Variants in ATRNL1 observed in about 807,000 individuals in gnomAD.
ATRNL1 encodes the protein attractin-like protein 1.
A neutral mutation model predicts 182.7 loss-of-function variants in ATRNL1; 95 were observed. The ratio of observed to expected loss-of-function variants is 0.52; its 90% CI spans 0.44 to 0.62. The LOEUF (loss-of-function observed/expected upper bound fraction) is 0.62, where lower values mean the gene tolerates loss of function less well. ATRNL1 is among the 20% of genes least tolerant of loss of function. ATRNL1 has a pLI of 0.00. For synonymous variants in ATRNL1, 576 were observed against 568.3 expected (o/e 1.01, Z -0.19); for missense variants, 1,471 against 1,679.5 (o/e 0.88, Z 2.17).
At chr10:115,122,671 A>G (rs563709842) in intron 3 of ATRNL1, among the ~76,000 whole-genome samples, 62 of 152,064 alleles carry the variant, frequency 4.1e-4, no homozygotes, top group African/African-American at 1.4e-3. Context: ...AATACATTTT[A>G]TTTTGTTCTA....
At chr10:115,831,461 G>C (rs570373074) in intron 27 of ATRNL1, among the ~76,000 whole-genome samples, 1 of 152,094 alleles carries the variant, frequency 6.6e-6, no homozygotes, top group Non-Finnish European at 1.5e-5. Flanking sequence ...AGTGCATATG[G>C]ATGAGCATGA....
At chr10:115,702,416 C>T (rs782706250) in intron 26 of ATRNL1, among the ~76,000 whole-genome samples, 6 of 151,920 alleles carry the variant, frequency 3.9e-5, no homozygotes, top group Non-Finnish European at 7.4e-5. Context: ...AAGTCCTAGT[C>T]AGAGCAATCA....
chr10:115,388,660 T>C (rs539415616), intron 19 of ATRNL1, among the ~76,000 whole-genome samples: 1 of 152,140 alleles, frequency 6.6e-6, no homozygotes, highest in African/African-American at 2.4e-5. Flanking sequence ...ATATACACAT[T>C]ATTTATAATG....
At chr10:115,941,667 T>C (rs534707411) in intron 28 of ATRNL1, among the ~76,000 whole-genome samples, 1 of 152,324 alleles carries the variant, frequency 6.6e-6, no homozygotes, top group Admixed American at 6.5e-5. Flanking sequence ...TGGCTGTCTC[T>C]GGATTAGTTG....
At chr10:115,114,718 C>T (rs1844405450) in intron 1 of ATRNL1, among the ~76,000 whole-genome samples, 1 of 151,680 alleles carries the variant, frequency 6.6e-6, no homozygotes, top group Non-Finnish European at 1.5e-5. Context: ...TAAAATGGCT[C>T]TTATAAAAAA....
intron 27 of ATRNL1, among the ~76,000 whole-genome samples, chr10:115,745,131 C>A (rs114035602): frequency 8.6e-4 from 126 of 146,574 alleles, no homozygotes; most frequent in Non-Finnish European, 1.7e-3. Context: ...GAAAATGGAA[C>A]TTTTTTTTTT....
intron 20 of ATRNL1, among the ~76,000 whole-genome samples, chr10:115,422,857 G>C (rs184328892): frequency 6.6e-6 from 1 of 152,296 alleles, no homozygotes; most frequent in East Asian, 1.9e-4. Flanking sequence ...ACAGACACCA[G>C]AACCTACTGG....
intron 28 of ATRNL1, among the ~76,000 whole-genome samples, chr10:115,871,050 T>G (rs1230355599): frequency 6.6e-6 from 1 of 152,206 alleles, no homozygotes; most frequent in African/African-American, 2.4e-5. Context: ...TGCTTGAGTT[T>G]TGGGAATAAA....
rs552067074 is a variant in ATRNL1 at position 115,703,138 on chromosome 10, C to CA, written c.3796-24102dup. 1.3e-3 allele frequency among the ~76,000 whole-genome samples: 189 copies of CA among 151,052 alleles called. 1 individual carries two copies. Among genetic ancestry groups the CA allele is most frequent in the African/African-American group, 4.1e-3 (170 of 41,262 alleles). On this transcript the variant is annotated intron_variant, in intron 26 of 28. Transcript: ENST00000355044. Reference sequence around the variant, plus strand: ...ATGGCCCTGTGGTCTTTGACAGAGTCAAAAAAAATAAGCAATGAATAAATG... The same window carrying CA: ...ATGGCCCTGTGGTCTTTGACAGAGTCAAAAAAAAATAAGCAATGAATAAATG...
chr10:115,926,316 C>T (rs1397055820), intron 28 of ATRNL1, among the ~76,000 whole-genome samples: 2 of 238 alleles, frequency 8.4e-3, no homozygotes, highest in Non-Finnish European at 0.015. Flanking sequence ...AGAAAGACCT[C>T]AAATCGGACA....
chr10:115,194,049 A>G (rs998495751), intron 8 of ATRNL1, among the ~76,000 whole-genome samples: 12 of 152,004 alleles, frequency 7.9e-5, no homozygotes, highest in Admixed American at 6.6e-5. Context: ...TTGTGGTCAG[A>G]TGAGATACTT....
chr10:115,643,140 TC>T (rs1250806944), intron 26 of ATRNL1, among the ~76,000 whole-genome samples: 11 of 152,070 alleles, frequency 7.2e-5, no homozygotes, highest in Non-Finnish European at 1.3e-4. Context: ...AAAGAGTAGA[TC>T]CATATATCAA....
chr10:115,282,145 TTATA>T (rs1554917114), intron 14 of ATRNL1, among the ~76,000 whole-genome samples: 4 of 146,382 alleles, frequency 2.7e-5, no homozygotes, highest in African/African-American at 9.8e-5. Flanking sequence ...AACCATAAAT[TTATA>T]TATTTATTAT....
chr10:115,112,377 C>G (rs1554868388), intron 1 of ATRNL1, among the ~76,000 whole-genome samples: 1 of 152,148 alleles, frequency 6.6e-6, no homozygotes, highest in African/African-American at 2.4e-5. Flanking sequence ...GCTGACTGGT[C>G]TTTGAAAAGT....
intron 19 of ATRNL1, among the ~76,000 whole-genome samples, chr10:115,349,142 C>A (rs868966675): frequency 1.2e-4 from 18 of 151,944 alleles, no homozygotes; most frequent in African/African-American, 4.3e-4. Context: ...CTCTAGTAAC[C>A]ACCATTTCAT....
intron 26 of ATRNL1, among the ~76,000 whole-genome samples, chr10:115,715,791 G>T (rs1477784566): frequency 1.3e-5 from 2 of 152,196 alleles, no homozygotes; most frequent in African/African-American, 4.8e-5. Context: ...GACTTGTCTT[G>T]ATCAAAGTTC....
intron 15 of ATRNL1, among the ~76,000 whole-genome samples, chr10:115,293,717 A>T (rs1163676868): frequency 6.6e-6 from 1 of 152,164 alleles, no homozygotes; most frequent in African/African-American, 2.4e-5. Context: ...TCTGAAGGAT[A>T]GCTTTTCTGG....
chr10:115,446,977 C>T (rs1847031904), intron 21 of ATRNL1, among the ~76,000 whole-genome samples: 1 of 151,878 alleles, frequency 6.6e-6, no homozygotes, highest in African/African-American at 2.4e-5. Flanking sequence ...CCTCTGGGCT[C>T]AGTCTTTAAA....
At chr10:115,200,775 T>C (rs1848539334) in intron 8 of ATRNL1, among the ~76,000 whole-genome samples, 1 of 140,368 alleles carries the variant, frequency 7.1e-6, no homozygotes, top group South Asian at 2.4e-4. Context: ...ATGGTATTTC[T>C]AGTTCTAGAT....
Sources: gnomAD v4.1 joint callset for allele counts (sites outside exome capture counted in the v4.1 genomes callset) on GRCh38, gnomAD v4.1.1 for gene constraint, MANE v1.5 for transcripts, NCBI Gene and HGNC (gene_info 2026-07-23, HGNC 2026-07-21) for gene names.